SGSM2: variants seen among roughly 807,000 people sequenced by gnomAD.
The protein encoded by SGSM2 is small G protein signaling modulator 2.
SGSM2 carries 89 observed loss-of-function variants against 126.6 expected under a neutral mutation model. The observed-to-expected ratio is 0.70, with a 90% CI of 0.59 to 0.84. The LOEUF (loss-of-function observed/expected upper bound fraction) is 0.84. Among genes scored for constraint, SGSM2 ranks in the 40% least tolerant of loss-of-function variants. The pLI is 0.00. For synonymous variants in SGSM2, 614 were observed against 574.3 expected (o/e 1.07, Z -0.99); for missense variants, 1,404 against 1,416.6 (o/e 0.99, Z 0.14).
rs192854651 is a variant in SGSM2 at position 2,338,856 on chromosome 17, C to T, written c.57+1111C>T. ...GGTGGATCACCTGAGCTCAGGAGTT[C>T]GAGATCAGCCTGGCCAATATAGTGA... is the stretch of plus-strand genomic sequence containing the variant. On this transcript the variant is annotated intron_variant, in intron 1 of 23. Transcript: ENST00000268989. 3.3e-3 allele frequency among the ~76,000 whole-genome samples: 484 copies of T among 148,318 alleles called. 2 individuals carry two copies. Among genetic ancestry groups the T allele is most frequent in the African/African-American group, 0.011 (457 of 40,452 alleles).
chr17:2,340,775 G>T (rs370975336), intron 1 of SGSM2, among the ~76,000 whole-genome samples: 2 of 151,632 alleles, frequency 1.3e-5, no homozygotes, highest in Non-Finnish European at 2.9e-5. Flanking sequence ...TAGTAGAGAC[G>T]GGGTTTCACC....
At chr17:2,342,349 G>A (rs150056821) in intron 1 of SGSM2, among the ~76,000 whole-genome samples, 7,912 of 151,964 alleles carry the variant, frequency 0.052, 727 homozygotes, top group African/African-American at 0.18. Flanking sequence ...TCTTGAACCC[G>A]GGAGTTGGAG....
intron 2 of SGSM2, among the ~76,000 whole-genome samples, chr17:2,352,094 A>G (rs1340434939): frequency 6.6e-6 from 1 of 152,202 alleles, no homozygotes. Flanking sequence ...TCTGTGGCAG[A>G]TGAAACACTG....
Position 2,373,022 on chromosome 17 carries a change from G to A in SGSM2, c.1858G>A (p.Val620Ile), listed in dbSNP as rs759763081. The A allele has an allele frequency of 7.5e-6, 12 of 1,604,574 alleles. No homozygotes were observed. The highest frequency in any genetic ancestry group is 4.5e-5 in the East Asian group (2 of 44,480). The change falls in exon 16 of 24, where the codon GTC becomes ATC. Residue 620 changes from valine (V) to isoleucine (I), a missense_variant. By Grantham distance (29) the Val-to-Ile change is conservative. Transcript: ENST00000268989. ...GGIEHEIRKD[V>I]WPFLLGHYKF... ...CATAGAGCACGAGATCCGCAAGGAC[G>A]TCTGGCCCTTTCTGCTTGGCCACTA...
rs778645302 is a variant in SGSM2, at chr17:2,365,304, G to A, written c.1251G>A (p.Val417=). Residue 417 remains valine (V), a synonymous_variant, in exon 11 of 24, where the codon GTG becomes GTA. Coordinates refer to ENST00000268989, the MANE Select transcript of SGSM2 (RefSeq NM_014853.3). The part of the protein sequence containing the change: ...EMGTGRATDY[V]FRIIYPGHRH... ...GCACGGGGCGGGCCACCGACTATGT[G>A]TTCCGGATCATCTACCCCGGCCACA... is the stretch of plus-strand genomic sequence containing the variant. The A allele has an allele frequency of 1.1e-5, 17 of 1,582,634 alleles. No individual in the cohort carries two copies. The highest frequency in any genetic ancestry group is 1.7e-4 in the Middle Eastern group (1 of 6,034).
chr17:2,361,085 C>G (rs1350115845), intron 2 of SGSM2, among the ~76,000 whole-genome samples: 1 of 152,212 alleles, frequency 6.6e-6, no homozygotes, highest in Non-Finnish European at 1.5e-5. Context: ...AAGCCTAACC[C>G]TAAACCATGA....
intron 1 of SGSM2, among the ~76,000 whole-genome samples, chr17:2,340,085 A>G (rs769907270): frequency 4.5e-4 from 69 of 152,032 alleles, no homozygotes; most frequent in Non-Finnish European, 3.7e-4. Flanking sequence ...ATATGGCTCA[A>G]TTTTGGAGGT....
Position 2,337,758 on chromosome 17 carries a change from C to A in SGSM2, c.57+13C>A. The A allele has an allele frequency of 6.6e-7, 1 of 1,522,750 alleles. No homozygotes were observed. Among genetic ancestry groups the A allele is most frequent in the Non-Finnish European group, 8.8e-7 (1 of 1,130,850 alleles). The allele number at this position is 1,522,750 out of a possible 1,614,324, so 94.3% of individuals were successfully genotyped here. On this transcript the variant is annotated intron_variant, in intron 1 of 23. Coordinates refer to ENST00000268989, the MANE Select transcript of SGSM2 (RefSeq NM_014853.3). The surrounding 1 kb of genome is among the most constrained non-coding windows in gnomAD (Gnocchi z 5.1). ...CGTGAAGAAGGAGGTAAAGTCGAGT[C>A]AAGAACCCCGGGGGGCTCGCGCCCT...
chr17:2,376,170 C>T lies in SGSM2; in HGVS notation c.2518C>T (p.His840Tyr). 6.2e-7 allele frequency: 1 copy of T among 1,614,118 alleles called. No individual in the cohort carries two copies. The highest frequency in any genetic ancestry group is 1.1e-5 in the South Asian group (1 of 91,086). The change falls in exon 19 of 24, where the codon CAC (histidine) becomes TAC (tyrosine). Residue 840 changes from histidine (H) to tyrosine (Y), a missense_variant. Transcript: ENST00000268989. ...ELLDTVALNL[H>Y]RIDKDVQRCD... ...ACTGGACACTGTGGCCTTAAACCTG[C>T]ACCGCATAGACAAGGATGTGCAGAG...
At chr17:2,359,376 G>A (rs1176934010) in intron 2 of SGSM2, among the ~76,000 whole-genome samples, 2 of 152,150 alleles carry the variant, frequency 1.3e-5, no homozygotes, top group South Asian at 2.1e-4. Context: ...GTTACTGGCC[G>A]GGAGCCCACA....
At position 2,367,287 on chromosome 17, in the gene SGSM2, C is replaced by G. The variant is rs2065637292; in HGVS notation, c.1305C>G (p.His435Gln). Residue 435 changes from histidine (H) to glutamine (Q), a missense_variant, in exon 12 of 24, where the codon CAC becomes CAG. Physicochemically the swap from His to Gln is conservative, Grantham distance 24. Coordinates refer to ENST00000268989, the MANE Select transcript of SGSM2 (RefSeq NM_014853.3). This position sits in a 1 kb window ranked among gnomAD's most constrained non-coding sequence, Gnocchi z 4.0. The stretch of plus-strand genomic sequence containing the variant: ...TTTGAGCAGTCACTATTAACTACCA[C>G]CACCTAGCGGCCAGCCGCGCGGCCT... ...HRHEHITINY[H>Q]HLAASRAASV... is the part of the protein sequence containing the mutation. 6.2e-7 allele frequency: 1 copy of G among 1,613,482 alleles called. No homozygotes were observed. The highest frequency in any genetic ancestry group is 1.3e-5 in the African/African-American group (1 of 74,924).
At chr17:2,354,886 GC>G in intron 2 of SGSM2, among the ~76,000 whole-genome samples, 1 of 138,594 alleles carries the variant, frequency 7.2e-6, no homozygotes, top group African/African-American at 3.1e-5. Context: ...CGGGGTGTAA[GC>G]GTTGGGGAAG....
chr17:2,363,753 C>A lies in SGSM2; in HGVS notation c.807+154C>A. On this transcript the variant is annotated intron_variant, in intron 7 of 23. Transcript: ENST00000268989. The surrounding 1 kb of genome is among the most constrained non-coding windows in gnomAD (Gnocchi z 4.2). The stretch of plus-strand genomic sequence containing the variant: ...CCAACTCCCTGTTTCACACGACTCA[C>A]GCCCAGCCTTTAGTTGGCAGGGGAC... The A allele has an allele frequency of 2.5e-6, 3 of 1,182,716 alleles. No homozygotes were observed. Among genetic ancestry groups the A allele is most frequent in the Non-Finnish European group, 3.5e-6 (3 of 854,388 alleles). The allele number at this position is 1,182,716 out of a possible 1,614,324, so 73.3% of individuals were successfully genotyped here. A position where few individuals can be genotyped will look rare whatever the true frequency, so the allele number is the denominator to read the frequency against.
At position 2,362,039 on chromosome 17, in the gene SGSM2, C is replaced by T; in HGVS notation, c.297-70C>T. On this transcript the variant is annotated intron_variant, in intron 3 of 23. Coordinates refer to ENST00000268989, the MANE Select transcript of SGSM2 (RefSeq NM_014853.3). This position sits in a 1 kb window ranked among gnomAD's most constrained non-coding sequence, Gnocchi z 4.9. The stretch of plus-strand genomic sequence containing the variant: ...TCCCATCTTGGGGTACCAAGCCCCA[C>T]TCCCAATGCCAGCATTCTGGGGTTT... 2 of 1,535,550 alleles carry T rather than the reference C, an allele frequency of 1.3e-6. No homozygotes were observed. The highest frequency in any genetic ancestry group is 1.7e-6 in the Non-Finnish European group (2 of 1,143,290).
chr17:2,346,449 C>G (rs1169160419), intron 2 of SGSM2, among the ~76,000 whole-genome samples: 1 of 152,192 alleles, frequency 6.6e-6, no homozygotes, highest in African/African-American at 2.4e-5. Flanking sequence ...TGAAGAATCA[C>G]TGTGTCAAGA....
intron 17 of SGSM2, chr17:2,374,603 T>C (rs1456993108): frequency 6.6e-6 from 1 of 152,076 alleles, no homozygotes; most frequent in African/African-American, 2.4e-5. Flanking sequence ...AAAAAAGAAA[T>C]AGAACAAACA....
intron 2 of SGSM2, among the ~76,000 whole-genome samples, chr17:2,349,897 C>A (rs886293577): frequency 2.0e-5 from 3 of 151,900 alleles, no homozygotes; most frequent in African/African-American, 7.3e-5. Flanking sequence ...ACACCATTCT[C>A]CTGCCTCAGC....
chr17:2,378,147 G>A (rs1053155179), intron 22 of SGSM2, among the ~76,000 whole-genome samples, 194 bp downstream of exon 22: 8 of 152,208 alleles, frequency 5.3e-5, no homozygotes, highest in African/African-American at 9.6e-5. Context: ...TTAAATGCTC[G>A]CTGACCAGAC....
At chr17:2,365,770 G>A (rs1273636677) in intron 11 of SGSM2, among the ~76,000 whole-genome samples, 2 of 136,726 alleles carry the variant, frequency 1.5e-5, no homozygotes, top group African/African-American at 2.8e-5. Flanking sequence ...TTTTTGAGAC[G>A]ACGTCTCGCT....
Sources: allele counts gnomAD v4.1 joint callset (sites outside exome capture counted in the v4.1 genomes callset), GRCh38; gene constraint gnomAD v4.1.1; non-coding constraint Gnocchi (gnomAD v3.1); transcripts MANE v1.5; gene names NCBI Gene and HGNC (gene_info 2026-07-23, HGNC 2026-07-21).